NAALADL2: variants seen among roughly 807,000 people sequenced by gnomAD.
NAALADL2 encodes N-acetylated alpha-linked acidic dipeptidase like 2.
NAALADL2 carries 76 observed loss-of-function variants against 87.2 expected under a neutral mutation model. That is an observed-to-expected ratio of 0.87 (90% confidence interval 0.72 to 1.05). NAALADL2 has a LOEUF of 1.05. Ranked by LOEUF, NAALADL2 falls within the 50% of genes least tolerant of loss-of-function variation. The probability of loss-of-function intolerance (pLI) is 0.00; values close to 1 mark genes in which losing one functional copy is unlikely to be tolerated. For missense variants in NAALADL2, 1,089 were observed against 945.8 expected (o/e 1.15, Z -1.99); for synonymous variants, 354 against 331.0 (o/e 1.07, Z -0.75).
chr3:174,742,710 AT>A (rs1282297962), intron 3 of NAALADL2, among the ~76,000 whole-genome samples: 3 of 151,846 alleles, frequency 2.0e-5, no homozygotes, highest in Admixed American at 2.0e-4. Context: ...TGTGAGAAAA[AT>A]ATAACAATAT....
Position 175,803,382 on chromosome 3 carries a change from A to AT in NAALADL2, c.*184dup. On this transcript the variant is annotated 3_prime_UTR_variant, in exon 14 of 14. Coordinates refer to ENST00000454872, the MANE Select transcript of NAALADL2 (RefSeq NM_207015.3). Reference sequence around the variant, plus strand: ...AGAAAGAACATTTTGCACATTTAATATTTTTCTTATATCTACATTTCTGAA... The same window carrying AT: ...AGAAAGAACATTTTGCACATTTAATATTTTTTCTTATATCTACATTTCTGAA... 1 of 418,996 alleles carries AT rather than the reference A, an allele frequency of 2.4e-6. No individual in the cohort carries two copies. The allele number at this position is 418,996 out of a possible 1,614,324, so 26.0% of individuals were successfully genotyped here. A position where few individuals can be genotyped will look rare whatever the true frequency, so the allele number is the denominator to read the frequency against.
At position 174,761,408 on chromosome 3, in the gene NAALADL2, G is replaced by A. The variant is rs114909051; in HGVS notation, c.-9+23662G>A. Among the ~76,000 whole-genome samples the A allele has an allele frequency of 3.0e-3, 462 of 152,140 alleles. 2 individuals are homozygous for A. The highest frequency in any genetic ancestry group is 0.011 in the African/African-American group (442 of 41,522). On this transcript the variant is annotated intron_variant, in intron 3 of 3. Coordinates refer to the NAALADL2 transcript ENST00000434257. ...AGTGTAAAATAAAATATAATTTAAT[G>A]TCTTACAGTAGAAAAATAGTATATT...
chr3:174,913,350 C>G (rs1029613657), intron 1 of NAALADL2, among the ~76,000 whole-genome samples: 4 of 152,092 alleles, frequency 2.6e-5, no homozygotes, highest in African/African-American at 7.2e-5. Context: ...CACTATTTTC[C>G]TTTGCAAACA....
intron 11 of NAALADL2, among the ~76,000 whole-genome samples, chr3:175,667,926 T>G (rs758530394): frequency 6.6e-6 from 1 of 152,124 alleles, no homozygotes; most frequent in Non-Finnish European, 1.5e-5. Context: ...AAACAGTTCC[T>G]TTATCATTTG....
chr3:175,049,793 G>A (rs866362507), intron 1 of NAALADL2, among the ~76,000 whole-genome samples: 1 of 152,174 alleles, frequency 6.6e-6, no homozygotes, highest in Non-Finnish European at 1.5e-5. Flanking sequence ...AAGCTCTCTG[G>A]ATTCTGTAAT....
At chr3:175,337,578 G>T (rs1762118153) in intron 5 of NAALADL2, among the ~76,000 whole-genome samples, 1 of 152,046 alleles carries the variant, frequency 6.6e-6, no homozygotes, top group South Asian at 2.1e-4. Flanking sequence ...GAGAGCCCCA[G>T]AAAGAAACCA....
chr3:174,588,275 T>C (rs562249140), intron 2 of NAALADL2, among the ~76,000 whole-genome samples: 1 of 152,284 alleles, frequency 6.6e-6, no homozygotes, highest in East Asian at 1.9e-4. Flanking sequence ...ATTCCTCTAA[T>C]TTTTTCAAGG....
intron 3 of NAALADL2, among the ~76,000 whole-genome samples, chr3:174,824,847 T>A (rs1721809571): frequency 6.6e-6 from 1 of 152,210 alleles, no homozygotes; most frequent in African/African-American, 2.4e-5. Context: ...ATTTACTTTA[T>A]GACATATGTA....
intron 1 of NAALADL2, among the ~76,000 whole-genome samples, chr3:174,549,346 G>A (rs1226359294): frequency 6.6e-6 from 1 of 152,172 alleles, no homozygotes; most frequent in African/African-American, 2.4e-5. Context: ...ATCAAATGCA[G>A]ATAGTTTAGC....
chr3:175,582,503 C>T (rs187798231), intron 10 of NAALADL2, among the ~76,000 whole-genome samples: 1 of 152,008 alleles, frequency 6.6e-6, no homozygotes, highest in Admixed American at 6.6e-5. Context: ...TCTAATAAAG[C>T]CTTTTTAAAA....
intron 2 of NAALADL2, among the ~76,000 whole-genome samples, chr3:175,220,123 T>C (rs1161007476): frequency 6.6e-6 from 1 of 151,038 alleles, no homozygotes; most frequent in African/African-American, 2.4e-5. Context: ...TAAATACAAT[T>C]TATAAATATT....
At chr3:175,636,300 A>G (rs754398031) in intron 11 of NAALADL2, among the ~76,000 whole-genome samples, 1 of 152,108 alleles carries the variant, frequency 6.6e-6, no homozygotes, top group Non-Finnish European at 1.5e-5. Flanking sequence ...GACACTACCA[A>G]TTGATTGGAT....
intron 1 of NAALADL2, among the ~76,000 whole-genome samples, chr3:174,444,446 G>A (rs1194358705): frequency 6.6e-6 from 1 of 152,172 alleles, no homozygotes; most frequent in Non-Finnish European, 1.5e-5. Context: ...AGAATTGCTT[G>A]AAACAGAAAA....
intron 2 of NAALADL2, among the ~76,000 whole-genome samples, chr3:175,147,621 C>T (rs1381503109): frequency 1.3e-5 from 2 of 151,976 alleles, no homozygotes; most frequent in African/African-American, 2.4e-5. Flanking sequence ...AATGGGATTA[C>T]TCGGTTGAAT....
chr3:175,461,454 C>A (rs1560588271), intron 6 of NAALADL2, among the ~76,000 whole-genome samples: 1 of 152,168 alleles, frequency 6.6e-6, no homozygotes, highest in Non-Finnish European at 1.5e-5. Flanking sequence ...GGAATTCCAG[C>A]TGGCTTCACC....
At chr3:175,367,340 C>T (rs896184488) in intron 5 of NAALADL2, among the ~76,000 whole-genome samples, 6 of 146,458 alleles carry the variant, frequency 4.1e-5, no homozygotes, top group Admixed American at 7.0e-5. Flanking sequence ...CTTGGCGATG[C>T]GGGCTCTTTT....
intron 2 of NAALADL2, among the ~76,000 whole-genome samples, chr3:175,133,167 C>T (rs62287724): frequency 2.1e-5 from 3 of 144,896 alleles, no homozygotes; most frequent in Non-Finnish European, 3.1e-5. Flanking sequence ...ATGGGATGGC[C>T]GCCGGGAAGA....
At chr3:174,563,066 C>T (rs1268232198) in intron 2 of NAALADL2, among the ~76,000 whole-genome samples, 1 of 151,916 alleles carries the variant, frequency 6.6e-6, no homozygotes, top group African/African-American at 2.4e-5. Flanking sequence ...GTCATTTAAG[C>T]AATATATTGT....
At position 174,627,096 on chromosome 3, in the gene NAALADL2, T is replaced by A. The variant is rs563277585; in HGVS notation, c.-115+76459T>A. On this transcript the variant is annotated intron_variant, in intron 2 of 3. Coordinates refer to the NAALADL2 transcript ENST00000434257. ...TGACCTTAGGGATCTAAAAGTTAAG[T>A]CATTTATATTTATGTGCAAATTATT... Among the ~76,000 whole-genome samples, 209 of 152,230 alleles carry A rather than the reference T, an allele frequency of 1.4e-3. 2 individuals are homozygous for A. Among genetic ancestry groups the A allele is most frequent in the African/African-American group, 4.7e-3 (196 of 41,556 alleles).
Sources: gnomAD v4.1 joint callset for allele counts (sites outside exome capture counted in the v4.1 genomes callset) on GRCh38, gnomAD v4.1.1 for gene constraint, MANE v1.5 for transcripts, NCBI Gene and HGNC (gene_info 2026-07-23, HGNC 2026-07-21) for gene names.